CTCF: variants seen among roughly 807,000 people sequenced by gnomAD.
CTCF encodes the protein transcriptional repressor CTCF.
A neutral mutation model predicts 72.3 loss-of-function variants in CTCF; 7 were observed. The observed-to-expected ratio is 0.10, with a 90% CI of 0.06 to 0.18. CTCF has a LOEUF of 0.18. Among genes scored for constraint, CTCF ranks in the 10% least tolerant of loss-of-function variants. The pLI is 1.00. For missense variants in CTCF, 516 were observed against 949.1 expected (o/e 0.54, Z 6.00); for synonymous variants, 374 against 315.8 (o/e 1.18, Z -1.95).
chr16:67,578,325 CTTTT>C (rs944395345), intron 2 of CTCF, among the ~76,000 whole-genome samples: 2 of 84,484 alleles, frequency 2.4e-5, no homozygotes, highest in Non-Finnish European at 4.4e-5. Flanking sequence ...GTTTATGTAT[CTTTT>C]TTTTTTTTTT....
At chr16:67,618,879 C>T (rs1165591435) in intron 5 of CTCF, among the ~76,000 whole-genome samples, 2 of 152,188 alleles carry the variant, frequency 1.3e-5, no homozygotes, top group East Asian at 1.9e-4. Flanking sequence ...CAAGTTGATT[C>T]TAACTTTCAA....
chr16:67,617,259 G>A (rs1007184816), intron 5 of CTCF, among the ~76,000 whole-genome samples: 2 of 152,130 alleles, frequency 1.3e-5, no homozygotes, highest in African/African-American at 4.8e-5. Context: ...CAGCAGTTTG[G>A]GAGGCTGAGG....
chr16:67,613,778 C>A (rs549536290), intron 4 of CTCF, among the ~76,000 whole-genome samples: 1 of 151,990 alleles, frequency 6.6e-6, no homozygotes, highest in East Asian at 1.9e-4. Context: ...TCTGCCTCAC[C>A]AAAATAAATA....
At chr16:67,581,474 C>T (rs1333165807) in intron 2 of CTCF, among the ~76,000 whole-genome samples, 1 of 152,012 alleles carries the variant, frequency 6.6e-6, no homozygotes, top group Non-Finnish European at 1.5e-5. Flanking sequence ...AGACATGCTC[C>T]ACTAGGCCTG....
At chr16:67,617,326 T>G (rs1444893337) in intron 5 of CTCF, among the ~76,000 whole-genome samples, 1 of 152,062 alleles carries the variant, frequency 6.6e-6, no homozygotes, top group Non-Finnish European at 1.5e-5. Flanking sequence ...GGTGAAACCC[T>G]GTCTCTACTA....
intron 2 of CTCF, among the ~76,000 whole-genome samples, chr16:67,590,279 G>T (rs144636108): frequency 6.6e-6 from 1 of 151,868 alleles, no homozygotes; most frequent in African/African-American, 2.4e-5. Context: ...TTATTAGTAC[G>T]TATTTCCTAG....
intron 11 of CTCF, 63 bp downstream of exon 11, chr16:67,636,914 G>A: frequency 5.1e-6 from 7 of 1,369,424 alleles, no homozygotes; most frequent in Non-Finnish European, 5.8e-6. Flanking sequence ...GGAGCCAGAT[G>A]GGTCCTTGTT....
Position 67,597,779 on chromosome 16 carries a change from C to T in CTCF, c.-9-13045C>T, listed in dbSNP as rs576964932. On this transcript the variant is annotated intron_variant, in intron 2 of 11. Coordinates refer to ENST00000264010, the MANE Select transcript of CTCF (RefSeq NM_006565.4). Reference sequence around the variant, plus strand: ...TTTCCCTACTGATTTAAAATGACAGCTTTTTATTTGCTAGGCTTTGTTTCT... The same window carrying T: ...TTTCCCTACTGATTTAAAATGACAGTTTTTTATTTGCTAGGCTTTGTTTCT... 3.4e-4 allele frequency among the ~76,000 whole-genome samples: 51 copies of T among 152,138 alleles called. 1 individual carries two copies. The highest frequency in any genetic ancestry group is 1.6e-4 in the Non-Finnish European group (11 of 68,018).
chr16:67,625,522 G>A lies in CTCF; in HGVS notation c.1358-1033G>A, dbSNP rs144632489. Among the ~76,000 whole-genome samples, 181 of 152,280 alleles carry A rather than the reference G, an allele frequency of 1.2e-3. 2 individuals are homozygous for A. The highest frequency in any genetic ancestry group is 0.01 in the Admixed American group (154 of 15,284). On this transcript the variant is annotated intron_variant, in intron 7 of 11. Transcript: ENST00000264010. ...CCAACTCTTAGACTTCTCAAAGCAT[G>A]ACCCATTCTTTTTATTTTAATTCTA...
intron 11 of CTCF, 103 bp downstream of exon 11, chr16:67,636,954 A>G: frequency 8.9e-7 from 1 of 1,126,082 alleles, no homozygotes; most frequent in Non-Finnish European, 1.2e-6. Flanking sequence ...AAGCCATGAG[A>G]ACAAGTTAAG....
At chr16:67,606,320 C>T (rs993692501) in intron 2 of CTCF, among the ~76,000 whole-genome samples, 6 of 152,214 alleles carry the variant, frequency 3.9e-5, no homozygotes, top group African/African-American at 1.4e-4. Context: ...GTCCTGCTCA[C>T]GTTTCAGGGT....
chr16:67,593,909 T>A (rs1026629403), intron 2 of CTCF, among the ~76,000 whole-genome samples: 1 of 152,214 alleles, frequency 6.6e-6, no homozygotes, highest in African/African-American at 2.4e-5. Flanking sequence ...TCTGCAGTGG[T>A]GAGTATAAAA....
At chr16:67,622,641 C>CT (rs555584618) in intron 7 of CTCF, among the ~76,000 whole-genome samples, 1,818 of 130,916 alleles carry the variant, frequency 0.014, 45 homozygotes, top group South Asian at 0.038. Flanking sequence ...CCTACTCTTA[C>CT]TTTTTTTTTT....
intron 1 of CTCF, among the ~76,000 whole-genome samples, chr16:67,565,932 C>G (rs2051337682): frequency 6.6e-6 from 1 of 152,184 alleles, no homozygotes; most frequent in Non-Finnish European, 1.5e-5. Context: ...GCCTTGCAGG[C>G]TGGTGCCTCC....
chr16:67,584,778 GAA>G (rs1271389614), intron 2 of CTCF, among the ~76,000 whole-genome samples: 1 of 152,134 alleles, frequency 6.6e-6, no homozygotes, highest in Admixed American at 6.6e-5. Flanking sequence ...TTACAGATAA[GAA>G]AACTAAGACG....
At chr16:67,596,532 AGTTTTTGTTCAACAT>A (rs1302654061) in intron 2 of CTCF, among the ~76,000 whole-genome samples, 2 of 151,312 alleles carry the variant, frequency 1.3e-5, no homozygotes, top group Non-Finnish European at 3.0e-5. Flanking sequence ...TTTTCTTTTT[AGTTTTTGTTCAACAT>A]GTTTTTGTCA....
chr16:67,575,768 A>G (rs2051488479), intron 2 of CTCF, among the ~76,000 whole-genome samples: 1 of 152,072 alleles, frequency 6.6e-6, no homozygotes, highest in Non-Finnish European at 1.5e-5. Context: ...TATATTTTGC[A>G]TTAAACTGAA....
At chr16:67,610,195 G>C (rs1166925889) in intron 2 of CTCF, among the ~76,000 whole-genome samples, 5 of 151,952 alleles carry the variant, frequency 3.3e-5, no homozygotes, top group Non-Finnish European at 5.9e-5. Context: ...TGTTTCCCTC[G>C]GTATGGATTT....
intron 4 of CTCF, chr16:67,615,647 C>G (rs1470781323): frequency 6.6e-6 from 1 of 152,174 alleles, no homozygotes; most frequent in Non-Finnish European, 1.5e-5. Flanking sequence ...TTGGATGCCA[C>G]TTTTCTTCTC....
Sources: gnomAD v4.1 joint callset for allele counts (sites outside exome capture counted in the v4.1 genomes callset) on GRCh38, gnomAD v4.1.1 for gene constraint, MANE v1.5 for transcripts, NCBI Gene and HGNC (gene_info 2026-07-23, HGNC 2026-07-21) for gene names.